The following DLG2 variants were observed in gnomAD, a reference collection of about 807,000 sequenced individuals.
DLG2 encodes the protein discs large MAGUK scaffold protein 2.
DLG2 carries 45 observed loss-of-function variants against 132.5 expected under a neutral mutation model. The ratio of observed to expected loss-of-function variants is 0.34; its 90% CI spans 0.27 to 0.44. DLG2 has a LOEUF of 0.44. Ranked by LOEUF, DLG2 falls within the 20% of genes least tolerant of loss-of-function variation. DLG2 has a pLI of 1.00. For missense variants in DLG2, 1,045 were observed against 1,196.9 expected, an observed-to-expected ratio of 0.87 and a Z score of 1.87; for synonymous variants, 424 against 419.6, an observed-to-expected ratio of 1.01 and a Z score of -0.13.
intron 7 of DLG2, among the ~76,000 whole-genome samples, chr11:84,393,780 C>T (rs1351173167): frequency 2.0e-5 from 3 of 152,024 alleles, no homozygotes; most frequent in South Asian, 4.1e-4. Context: ...GAAATTATAA[C>T]GTTTACTTAT....
intron 3 of DLG2, among the ~76,000 whole-genome samples, chr11:85,422,072 T>C (rs919127660): frequency 2.0e-5 from 3 of 152,168 alleles, no homozygotes; most frequent in Admixed American, 2.0e-4. Flanking sequence ...ATCTGATAGG[T>C]TTTCCTTTAT....
At chr11:85,386,674 C>T (rs1450188617) in intron 3 of DLG2, among the ~76,000 whole-genome samples, 1 of 151,702 alleles carries the variant, frequency 6.6e-6, no homozygotes, top group Non-Finnish European at 1.5e-5. Context: ...ATTTTCTCTT[C>T]ATTAAATAAC....
At chr11:84,695,532 T>C (rs1261789576) in intron 6 of DLG2, among the ~76,000 whole-genome samples, 1 of 151,566 alleles carries the variant, frequency 6.6e-6, no homozygotes, top group Non-Finnish European at 1.5e-5. Flanking sequence ...GTTACTAAAA[T>C]AACTGGTACT....
At chr11:84,999,243 G>A (rs904634921) in intron 6 of DLG2, among the ~76,000 whole-genome samples, 4 of 152,030 alleles carry the variant, frequency 2.6e-5, no homozygotes, top group African/African-American at 9.7e-5. Context: ...AAGGTTGCTA[G>A]GCAGATACTC....
rs1013794714 is a variant in DLG2, at chr11:83,955,139, C to T, written c.1340+7746G>A. On this transcript the variant is annotated intron_variant, in intron 14 of 27. Transcript: ENST00000376104. The stretch of plus-strand genomic sequence containing the variant: ...ATCAGGTACTTATTTTTGCCAAGCA[C>T]GTTACATGTACTAACTCAGTTTATT... Among the ~76,000 whole-genome samples, 5 of 152,226 alleles carry T rather than the reference C, an allele frequency of 3.3e-5. No homozygotes were observed. In the South Asian group the frequency reaches 6.2e-4, roughly 19 times the overall value.
At chr11:84,074,529 ATTT>A (rs59822508) in intron 10 of DLG2, among the ~76,000 whole-genome samples, 5 of 139,312 alleles carry the variant, frequency 3.6e-5, no homozygotes, top group Non-Finnish European at 4.7e-5. Context: ...AGAGTTTCTA[ATTT>A]TTTTTTTTTT....
At chr11:83,776,110 A>AAAAT (rs533689872) in intron 18 of DLG2, among the ~76,000 whole-genome samples, 13 of 149,714 alleles carry the variant, frequency 8.7e-5, no homozygotes, top group African/African-American at 1.5e-4. Flanking sequence ...ATAAATAAAT[A>AAAAT]AAATAAATAA....
chr11:85,332,175 G>A (rs187593831), intron 3 of DLG2, among the ~76,000 whole-genome samples: 64 of 152,216 alleles, frequency 4.2e-4, no homozygotes, highest in African/African-American at 1.5e-3. Context: ...GTTTGAGATG[G>A]TATCTCATTG....
At chr11:85,106,396 C>T (rs1336767247) in intron 6 of DLG2, among the ~76,000 whole-genome samples, 1 of 151,940 alleles carries the variant, frequency 6.6e-6, no homozygotes, top group Non-Finnish European at 1.5e-5. Flanking sequence ...GTTTCTTTTT[C>T]AAGAACTGCA....
At chr11:84,165,448 TC>T (rs2095640012) in intron 8 of DLG2, among the ~76,000 whole-genome samples, 1 of 152,206 alleles carries the variant, frequency 6.6e-6, no homozygotes, top group Non-Finnish European at 1.5e-5. Context: ...ATTCCAAAGT[TC>T]CTTAGTCAGC....
chr11:83,623,801 C>G (rs1379550423), intron 19 of DLG2, among the ~76,000 whole-genome samples: 1 of 152,216 alleles, frequency 6.6e-6, no homozygotes, highest in Non-Finnish European at 1.5e-5. Flanking sequence ...CTAACCTAAC[C>G]TACATGATTG....
At position 84,526,153 on chromosome 11, in the gene DLG2, T is replaced by G. The variant is rs560484272; in HGVS notation, c.519+8417A>C. ...TGACAAAATATGTCTGGGAAATACT[T>G]TGTACTAATCATATTTCCATCTTAG... On this transcript the variant is annotated intron_variant, in intron 7 of 27. Transcript: ENST00000376104. Among the ~76,000 whole-genome samples, 11 of 152,320 alleles carry G rather than the reference T, an allele frequency of 7.2e-5. No homozygotes were observed. The South Asian group carries it at 2.3e-3, about 32-fold the overall frequency.
At chr11:84,884,107 T>C (rs1415174378) in intron 6 of DLG2, among the ~76,000 whole-genome samples, 1 of 152,144 alleles carries the variant, frequency 6.6e-6, no homozygotes, top group African/African-American at 2.4e-5. Flanking sequence ...GAGTGTTTTT[T>C]GTCACCCAAA....
At chr11:84,572,368 C>T (rs2099487454) in intron 6 of DLG2, among the ~76,000 whole-genome samples, 1 of 152,108 alleles carries the variant, frequency 6.6e-6, no homozygotes, top group Non-Finnish European at 1.5e-5. Flanking sequence ...GTTGTAGTAG[C>T]TTCAGCCTAC....
intron 7 of DLG2, among the ~76,000 whole-genome samples, chr11:84,253,771 T>G (rs1196729340): frequency 2.6e-5 from 4 of 152,166 alleles, no homozygotes; most frequent in Non-Finnish European, 5.9e-5. Context: ...ATGAGGAAAA[T>G]GAGGCTCAGT....
At chr11:84,532,761 G>T (rs937155137) in intron 7 of DLG2, among the ~76,000 whole-genome samples, 5 of 152,156 alleles carry the variant, frequency 3.3e-5, no homozygotes, top group Admixed American at 3.3e-4. Context: ...TTCCCAAAAT[G>T]CTGAGACTAC....
At chr11:84,942,037 A>G (rs1248846640) in intron 6 of DLG2, among the ~76,000 whole-genome samples, 1 of 152,172 alleles carries the variant, frequency 6.6e-6, no homozygotes, top group East Asian at 1.9e-4. Flanking sequence ...ATGTACTTGC[A>G]TATAGATGCT....
intron 5 of DLG2, among the ~76,000 whole-genome samples, chr11:85,145,252 T>A (rs2076763871): frequency 6.6e-6 from 1 of 152,166 alleles, no homozygotes; most frequent in South Asian, 2.1e-4. Context: ...TCATTTAGGA[T>A]CCTTTCTTTA....
intron 19 of DLG2, among the ~76,000 whole-genome samples, chr11:83,580,801 C>T (rs2096958033): frequency 7.2e-6 from 1 of 139,332 alleles, no homozygotes; most frequent in African/African-American, 2.7e-5. Flanking sequence ...CCCTCCCTCC[C>T]TCCCCTGCCC....
Sources: gnomAD v4.1 joint callset for allele counts (sites outside exome capture counted in the v4.1 genomes callset) on GRCh38, gnomAD v4.1.1 for gene constraint, MANE v1.5 for transcripts, NCBI Gene and HGNC (gene_info 2026-07-23, HGNC 2026-07-21) for gene names.